Variants in WDR33 observed in about 807,000 individuals in gnomAD.
WDR33 encodes pre-mRNA 3' end processing protein WDR33.
In WDR33, 47 loss-of-function variants were observed where a neutral mutation model predicts 164.9. The observed-to-expected ratio is 0.29, with a 90% CI of 0.23 to 0.36. The LOEUF is 0.36. Ranked by LOEUF, WDR33 falls within the 10% of genes least tolerant of loss-of-function variation. The pLI is 1.00. For synonymous variants in WDR33, 505 were observed against 589.0 expected (o/e 0.86, Z 2.06); for missense variants, 1,137 against 1,754.1 (o/e 0.65, Z 6.28).
chr2:127,736,004 T>A (rs556126649), intron 7 of WDR33: 21 of 985,456 alleles, frequency 2.1e-5, no homozygotes, highest in Admixed American at 1.2e-4. Context: ...GTTCCAACAA[T>A]ACAGTGCATA....
intron 7 of WDR33, among the ~76,000 whole-genome samples, chr2:127,755,432 C>T (rs940689967): frequency 3.9e-5 from 6 of 152,196 alleles, no homozygotes; most frequent in Admixed American, 3.9e-4. Context: ...TGTTCCTCTA[C>T]CATGATCCAC....
intron 4 of WDR33, among the ~76,000 whole-genome samples, chr2:127,766,057 C>T (rs185262360): frequency 2.8e-4 from 42 of 152,230 alleles, no homozygotes; most frequent in East Asian, 1.2e-3. Flanking sequence ...ACTTAAGGCC[C>T]TTTAAATATT....
At chr2:127,781,218 C>T (rs1223614885) in intron 1 of WDR33, among the ~76,000 whole-genome samples, 2 of 152,162 alleles carry the variant, frequency 1.3e-5, no homozygotes, top group African/African-American at 4.8e-5. Context: ...TGGTAATAGA[C>T]ACATGAACAT....
At chr2:127,753,275 T>C (rs1263974308) in intron 7 of WDR33, among the ~76,000 whole-genome samples, 1 of 152,214 alleles carries the variant, frequency 6.6e-6, no homozygotes, top group Non-Finnish European at 1.5e-5. Flanking sequence ...ATCTGTTGAA[T>C]TTTTTACATC....
intron 1 of WDR33, among the ~76,000 whole-genome samples, chr2:127,786,623 T>C (rs1251024336): frequency 3.3e-5 from 5 of 152,152 alleles, no homozygotes; most frequent in Non-Finnish European, 7.3e-5. Flanking sequence ...GTTGGAGATT[T>C]CAGTGAGCCA....
At chr2:127,795,029 T>G (rs1268158088) in intron 1 of WDR33, among the ~76,000 whole-genome samples, 1 of 151,030 alleles carries the variant, frequency 6.6e-6, no homozygotes. Context: ...TTAAACTGCA[T>G]GCTACTAATC....
At position 127,724,982 on chromosome 2, in the gene WDR33, T is replaced by C. The variant is rs1361999117; in HGVS notation, c.1007-17A>G. 6.2e-7 allele frequency: 1 copy of C among 1,614,052 alleles called. No homozygotes were observed. The highest frequency in any genetic ancestry group is 8.5e-7 in the Non-Finnish European group (1 of 1,180,002). On this transcript the variant is annotated splice_polypyrimidine_tract_variant and intron_variant, in intron 9 of 21. Coordinates refer to ENST00000322313, the MANE Select transcript of WDR33 (RefSeq NM_018383.5). The surrounding 1 kb of genome is among the most constrained non-coding windows in gnomAD (Gnocchi z 4.8). ...AGGCCACAGCTGCAGAACAAAAACA[T>C]GGGAAAAGACACAATTATCAGGATC...
At chr2:127,766,743 A>G (rs1687833550) in intron 4 of WDR33, among the ~76,000 whole-genome samples, 1 of 151,498 alleles carries the variant, frequency 6.6e-6, no homozygotes, top group South Asian at 2.1e-4. Flanking sequence ...TAGACTACAC[A>G]CTGGTTGCTT....
chr2:127,709,910 A>G lies in WDR33; in HGVS notation c.3309-54T>C. On this transcript the variant is annotated intron_variant, in intron 18 of 21. Coordinates refer to ENST00000322313, the MANE Select transcript of WDR33 (RefSeq NM_018383.5). The surrounding 1 kb of genome is among the most constrained non-coding windows in gnomAD (Gnocchi z 5.0). ...TCTCAGAGAACACCTTGCCACTCTA[A>G]GTTCATGTTTCAAAGAAGCATATGA... The G allele has an allele frequency of 6.3e-7, 1 of 1,578,666 alleles. No homozygotes were observed. The highest frequency in any genetic ancestry group is 8.6e-7 in the Non-Finnish European group (1 of 1,163,288).
rs543680486 is a variant in WDR33, at chr2:127,786,207, C to CT, written c.-23-15204dup. ...TGCCACCATGAGTGGTTAAACTGTTCTTTTTTTTGTAGAGACAGGGTCTCA... is the reference window on the plus strand; with the variant it reads ...TGCCACCATGAGTGGTTAAACTGTTCTTTTTTTTTGTAGAGACAGGGTCTCA... On this transcript the variant is annotated intron_variant, in intron 1 of 21. Coordinates refer to ENST00000322313, the MANE Select transcript of WDR33 (RefSeq NM_018383.5). Among the ~76,000 whole-genome samples the CT allele has an allele frequency of 8.4e-4, 128 of 152,012 alleles. 1 individual carries two copies. Among genetic ancestry groups the CT allele is most frequent in the South Asian group, 3.1e-3 (15 of 4,800 alleles).
At chr2:127,783,968 G>A (rs7601272) in intron 1 of WDR33, among the ~76,000 whole-genome samples, 6,084 of 148,558 alleles carry the variant, frequency 0.041, 355 homozygotes, top group African/African-American at 0.13. Flanking sequence ...TGTGGTATTG[G>A]ATACTGGCCA....
intron 4 of WDR33, 44 bp from the exon 5 acceptor site, chr2:127,765,313 TAATTTTGAA>T: frequency 7.0e-7 from 1 of 1,432,662 alleles, no homozygotes; most frequent in Non-Finnish European, 9.7e-7. Flanking sequence ...CCAACTTCAC[TAATTTTGAA>T]AAACATATTA....
intron 1 of WDR33, among the ~76,000 whole-genome samples, chr2:127,783,457 CA>C (rs1172467723): frequency 2.6e-5 from 4 of 152,086 alleles, no homozygotes; most frequent in Non-Finnish European, 5.9e-5. Flanking sequence ...CATCAGCACA[CA>C]AAGCAAAAGG....
chr2:127,727,713 C>T (rs775100511), intron 7 of WDR33, among the ~76,000 whole-genome samples: 6 of 152,142 alleles, frequency 3.9e-5, no homozygotes, highest in African/African-American at 1.4e-4. Flanking sequence ...TTTTGAAAAA[C>T]TGGATGCTGT....
At position 127,701,495 on chromosome 2, in the gene WDR33, G is replaced by T; in HGVS notation, c.*4828C>A. ...TTCAGCGGAGGGCCGGAAGTGAGCC[G>T]CAGCTTTTCCTTTCTGCCACCGCCT... On this transcript the variant is annotated 3_prime_UTR_variant, in exon 22 of 22. Coordinates refer to ENST00000322313, the MANE Select transcript of WDR33 (RefSeq NM_018383.5). The T allele has an allele frequency of 7.8e-7, 1 of 1,274,326 alleles. No homozygotes were observed. The allele number at this position is 1,274,326 out of a possible 1,614,324, so 78.9% of individuals were successfully genotyped here. A position where few individuals can be genotyped will look rare whatever the true frequency, so the allele number is the denominator to read the frequency against.
intron 1 of WDR33, among the ~76,000 whole-genome samples, chr2:127,776,484 C>A (rs947750161): frequency 1.3e-5 from 2 of 152,098 alleles, no homozygotes; most frequent in Non-Finnish European, 2.9e-5. Context: ...TTTGGGAGGC[C>A]GATACAGGTG....
At position 127,709,246 on chromosome 2, in the gene WDR33, C is replaced by T. The variant is rs1686092056; in HGVS notation, c.3565+244G>A. ...TTCACTTAACTTTATTCTCCAAAAG[C>T]AATTTAGTGGAAAGAGCAGTCCCGT... On this transcript the variant is annotated intron_variant, in intron 20 of 21. Transcript: ENST00000322313. The surrounding 1 kb of genome is among the most constrained non-coding windows in gnomAD (Gnocchi z 5.0). Among the ~76,000 whole-genome samples the T allele has an allele frequency of 6.6e-6, 1 of 152,182 alleles. No homozygotes were observed. Among genetic ancestry groups the T allele is most frequent in the Admixed American group, 6.5e-5 (1 of 15,280 alleles).
At chr2:127,750,625 G>A (rs1275546101) in intron 7 of WDR33, among the ~76,000 whole-genome samples, 31 of 119,064 alleles carry the variant, frequency 2.6e-4, no homozygotes, top group Non-Finnish European at 4.7e-4. Flanking sequence ...ACTCCAGCCT[G>A]GGCAACAAGA....
Position 127,725,555 on chromosome 2 carries a change from G to A in WDR33, c.852-340C>T, listed in dbSNP as rs553030730. Among the ~76,000 whole-genome samples, 10 of 152,166 alleles carry A rather than the reference G, an allele frequency of 6.6e-5. No individual in the cohort carries two copies. In the South Asian group the frequency reaches 2.1e-3, roughly 32 times the overall value. ...TCAAGACCAGCCTGGCCAACATGGT[G>A]AAACCCAGACTCTACTAAAAATACA... On this transcript the variant is annotated intron_variant, in intron 8 of 21. Transcript: ENST00000322313.
Sources: gnomAD v4.1 joint callset for allele counts (sites outside exome capture counted in the v4.1 genomes callset) on GRCh38, gnomAD v4.1.1 for gene constraint, Gnocchi (gnomAD v3.1) non-coding constraint, MANE v1.5 for transcripts, NCBI Gene and HGNC (gene_info 2026-07-23, HGNC 2026-07-21) for gene names.